Variants in PRH1 observed in about 807,000 individuals in gnomAD.
The protein encoded by PRH1 is salivary acidic proline-rich phosphoprotein 1/2.
A neutral mutation model predicts 7.9 loss-of-function variants in PRH1; 7 were observed. The observed-to-expected ratio is 0.89, with a 90% CI of 0.50 to 1.67. PRH1 has a LOEUF of 1.67. Among genes scored for constraint, PRH1 ranks in the 40% most tolerant of loss-of-function variants. The pLI is 0.00. For missense variants in PRH1, 109 were observed against 223.6 expected, an observed-to-expected ratio of 0.49 and a Z score of 3.27; for synonymous variants, 45 against 80.8, an observed-to-expected ratio of 0.56 and a Z score of 2.38.
rs776334472 is a variant in PRH1 at position 11,022,463 on chromosome 12, T to A, written c.-126+24557A>T. ...TCAGCTGAGGAGATCTTTCGTGTGT[T>A]AACCCAGTCAATGACATTTACTAGG... On this transcript the variant is annotated intron_variant, in intron 1 of 3. Transcript: ENST00000539853. The A allele has an allele frequency of 5.0e-6, 8 of 1,613,848 alleles. No homozygotes were observed. The African/African-American group carries it at 5.3e-5, about 11-fold the overall frequency.
rs144455709 is a variant in PRH1, at chr12:10,963,706, C to T, written c.-59+9949G>A. ...TGTGTTTCTTTCTTCATCCCTATTA[C>T]AGATATGACTTTTTTCTCAGTTGTT... On this transcript the variant is annotated intron_variant, in intron 2 of 3. Coordinates refer to the PRH1 transcript ENST00000539853. 3.3e-5 allele frequency among the ~76,000 whole-genome samples: 5 copies of T among 152,032 alleles called. No individual in the cohort carries two copies. The East Asian group carries it at 9.6e-4, about 29-fold the overall frequency.
At chr12:11,166,610 CT>C (rs1421181435) in intron 1 of PRH1, among the ~76,000 whole-genome samples, 1 of 152,220 alleles carries the variant, frequency 6.6e-6, no homozygotes, top group African/African-American at 2.4e-5. Flanking sequence ...CAACAACCAC[CT>C]TTTACTCATG....
intron 2 of PRH1, among the ~76,000 whole-genome samples, chr12:10,950,976 G>C (rs1206974447): frequency 6.6e-6 from 1 of 152,052 alleles, no homozygotes. Context: ...CTGCGATCCT[G>C]ATTTCTGAAT....
chr12:11,063,950 T>C (rs533505175), intron 1 of PRH1, among the ~76,000 whole-genome samples: 1 of 152,188 alleles, frequency 6.6e-6, no homozygotes, highest in African/African-American at 2.4e-5. Flanking sequence ...ATGAGACATA[T>C]CTCCTAATTA....
At chr12:11,134,602 A>C (rs896288997) in intron 1 of PRH1, 13 of 224,252 alleles carry the variant, frequency 5.8e-5, no homozygotes, top group Admixed American at 2.1e-4. Flanking sequence ...CAGTGTTTGC[A>C]ATTTTTCCTT....
At chr12:11,014,433 T>C (rs781140457) in intron 1 of PRH1, among the ~76,000 whole-genome samples, 1 of 152,156 alleles carries the variant, frequency 6.6e-6, no homozygotes, top group African/African-American at 2.4e-5. Flanking sequence ...CTGGTGATCT[T>C]GCAAATGTCA....
intron 2 of PRH1, among the ~76,000 whole-genome samples, chr12:10,970,128 A>T (rs1015498038): frequency 1.3e-5 from 2 of 152,294 alleles, no homozygotes; most frequent in Non-Finnish European, 2.9e-5. Flanking sequence ...TATAGCAAGC[A>T]ATGCAGCACT....
At chr12:11,109,050 C>A (rs1945512898) in intron 1 of PRH1, among the ~76,000 whole-genome samples, 1 of 152,152 alleles carries the variant, frequency 6.6e-6, no homozygotes, top group East Asian at 1.9e-4. Flanking sequence ...ACAAAGCCAC[C>A]AGGAAGTTCA....
At chr12:10,962,977 A>G (rs1376249343) in intron 2 of PRH1, among the ~76,000 whole-genome samples, 4 of 152,188 alleles carry the variant, frequency 2.6e-5, no homozygotes. Context: ...TCACAGCGTT[A>G]GCCAGGACGG....
At chr12:11,133,446 T>C (rs776574555) in intron 1 of PRH1, 5 of 1,613,892 alleles carry the variant, frequency 3.1e-6, no homozygotes, top group Non-Finnish European at 3.4e-6. Context: ...CTGAATATAA[T>C]AGCTTGGCAG....
intron 1 of PRH1, among the ~76,000 whole-genome samples, chr12:11,097,928 A>G (rs1188839781): frequency 1.0e-5 from 1 of 97,282 alleles, no homozygotes; most frequent in African/African-American, 3.1e-5. Flanking sequence ...TATTTCATCA[A>G]GAATAATGTA....
At chr12:11,058,711 G>A (rs1943468045) in intron 1 of PRH1, among the ~76,000 whole-genome samples, 1 of 152,246 alleles carries the variant, frequency 6.6e-6, no homozygotes. Flanking sequence ...GGGCATTATA[G>A]GACTCTGTGC....
intron 1 of PRH1, among the ~76,000 whole-genome samples, chr12:11,010,730 ATTAAAG>A (rs1309131231): frequency 6.6e-6 from 1 of 151,966 alleles, no homozygotes; most frequent in Admixed American, 6.6e-5. Context: ...ATACACTATT[ATTAAAG>A]TTAACATTTT....
At chr12:10,896,947 GT>G (rs1949655864) in intron 2 of PRH1, 1 of 152,112 alleles carries the variant, frequency 6.6e-6, no homozygotes, top group African/African-American at 2.4e-5. Flanking sequence ...AAGCCATGCA[GT>G]TTTTTCTTAA....
In PRH1 at chr12:11,124,607, G is replaced by A. The variant is rs540386561; in HGVS notation, n.40-3427C>T. On this transcript the variant is annotated intron_variant and non_coding_transcript_variant, in intron 1 of 1. Coordinates refer to the PRH1 transcript ENST00000541175. ...GACTTGAACTTTGCTGTTTACTAAC[G>A]TAAATTTCCCACAATGATATCTCTT... Among the ~76,000 whole-genome samples, 9 of 152,224 alleles carry A rather than the reference G, an allele frequency of 5.9e-5. No individual in the cohort carries two copies. The South Asian group carries it at 6.2e-4, about 11-fold the overall frequency.
At chr12:10,889,485 G>T (rs1949540293) in intron 2 of PRH1, among the ~76,000 whole-genome samples, 1 of 151,980 alleles carries the variant, frequency 6.6e-6, no homozygotes, top group South Asian at 2.1e-4. Flanking sequence ...AATTTTCCTG[G>T]AATGGATTTC....
intron 1 of PRH1, chr12:11,133,303 C>T (rs2597925): frequency 2.5e-6 from 4 of 1,611,344 alleles, no homozygotes; most frequent in Non-Finnish European, 3.4e-6. Flanking sequence ...CACACAATGC[C>T]CCTCTTGTGA....
At chr12:11,065,212 T>C (rs1565613292) in intron 1 of PRH1, among the ~76,000 whole-genome samples, 3 of 152,292 alleles carry the variant, frequency 2.0e-5, no homozygotes, top group African/African-American at 4.8e-5. Flanking sequence ...TAGACAGTTA[T>C]TCCCTTTAAC....
At position 11,108,791 on chromosome 12, in the gene PRH1, G is replaced by A. The variant is rs183427489; in HGVS notation, n.124-61603C>T. Reference sequence around the variant, plus strand: ...TGCAGAAGTTTTTTGTCATACCCCAGTGGTGCCTGGAATGCCAGCAAGACA... The same window carrying A: ...TGCAGAAGTTTTTTGTCATACCCCAATGGTGCCTGGAATGCCAGCAAGACA... On this transcript the variant is annotated intron_variant and non_coding_transcript_variant, in intron 1 of 4. Transcript: ENST00000541977. Among the ~76,000 whole-genome samples, 1,163 of 152,276 alleles carry A rather than the reference G, an allele frequency of 7.6e-3. 55 individuals are homozygous for A. The highest frequency in any genetic ancestry group is 0.065 in the Admixed American group (996 of 15,302).
Sources: gnomAD v4.1 joint callset for allele counts (sites outside exome capture counted in the v4.1 genomes callset) on GRCh38, gnomAD v4.1.1 for gene constraint, MANE v1.5 for transcripts, NCBI Gene and HGNC (gene_info 2026-07-23, HGNC 2026-07-21) for gene names.